Variants in KLHDC4 observed in about 807,000 individuals in gnomAD.
KLHDC4 encodes kelch domain-containing protein 4.
A neutral mutation model predicts 62.4 loss-of-function variants in KLHDC4; 90 were observed. The ratio of observed to expected loss-of-function variants is 1.44; its 90% CI spans 1.22 to 1.72. The LOEUF is 1.72. Among genes scored for constraint, KLHDC4 ranks in the 40% most tolerant of loss-of-function variants. KLHDC4 has a pLI of 0.00. For missense variants in KLHDC4, 1,025 were observed against 699.7 expected (o/e 1.47, Z -5.25); for synonymous variants, 386 against 284.4 (o/e 1.36, Z -3.59).
intron 3 of KLHDC4, 93 bp from the exon 4 acceptor site, chr16:87,755,385 C>A: frequency 1.4e-6 from 1 of 707,050 alleles, no homozygotes. Context: ...CCCTGGGAAA[C>A]TGACATGCTA....
downstream of KLHDC4, among the ~76,000 whole-genome samples, chr16:87,702,863 G>A (rs931253930): frequency 1.1e-4 from 16 of 152,232 alleles, no homozygotes; most frequent in African/African-American, 3.6e-4. Flanking sequence ...TCTTATTGAT[G>A]AAGTGGTTTA....
rs1408317763 is a variant in KLHDC4 at position 87,709,291 on chromosome 16, C to T, written c.1421G>A (p.Trp474Ter). The change falls in exon 10 of 12, where the codon TGG becomes TAG. Residue 474 changes from tryptophan (W) to a stop codon, truncating the protein, a stop_gained. Transcript: ENST00000270583. LOFTEE classifies it high-confidence loss of function. ...HCLDLHRMEA[W>*]KALVEMDPET... ...TGGGTCCATCTCCACCAAGGCCTTCCACGCCTCCATCCTGTGCAGGTCCAG... is the reference window on the plus strand; with the variant it reads ...TGGGTCCATCTCCACCAAGGCCTTCTACGCCTCCATCCTGTGCAGGTCCAG... 3 of 1,612,388 alleles carry T rather than the reference C, an allele frequency of 1.9e-6. No individual in the cohort carries two copies. Among genetic ancestry groups the T allele is most frequent in the Non-Finnish European group, 8.5e-7 (1 of 1,179,620 alleles).
chr16:87,755,710 G>A (rs34033325), intron 3 of KLHDC4: 12,661 of 178,132 alleles, frequency 0.071, 651 homozygotes, highest in Non-Finnish European at 0.099. Context: ...GACTACAGGC[G>A]CCCGCCACCA....
chr16:87,736,154 C>T (rs879806931), intron 5 of KLHDC4, among the ~76,000 whole-genome samples: 22 of 152,212 alleles, frequency 1.4e-4, no homozygotes, highest in Non-Finnish European at 3.1e-4. Context: ...CTGGAAGGCA[C>T]AGCCTGCCAC....
intron 7 of KLHDC4, among the ~76,000 whole-genome samples, chr16:87,719,741 A>C (rs1282824605): frequency 6.6e-6 from 1 of 152,140 alleles, no homozygotes. Context: ...ATTTTTGGAG[A>C]AGTTAGACTT....
At chr16:87,751,632 T>C (rs2043958004) in intron 4 of KLHDC4, among the ~76,000 whole-genome samples, 1 of 152,150 alleles carries the variant, frequency 6.6e-6, no homozygotes, top group South Asian at 2.1e-4. Context: ...CCTAAAGCCA[T>C]TCCTGGCCAG....
chr16:87,718,809 G>C (rs1333126613), intron 7 of KLHDC4, among the ~76,000 whole-genome samples: 2 of 151,664 alleles, frequency 1.3e-5, no homozygotes, highest in African/African-American at 4.9e-5. Context: ...CCCATCGTCT[G>C]AGATGTGGGG....
At chr16:87,738,409 G>C (rs146294614) in intron 5 of KLHDC4, among the ~76,000 whole-genome samples, 2 of 151,938 alleles carry the variant, frequency 1.3e-5, no homozygotes, top group Admixed American at 6.6e-5. Flanking sequence ...AAACAGTACC[G>C]ATCATCTCCC....
chr16:87,725,018 G>A (rs1036667552), intron 7 of KLHDC4, among the ~76,000 whole-genome samples: 5 of 152,214 alleles, frequency 3.3e-5, no homozygotes, highest in African/African-American at 4.8e-5. Flanking sequence ...ACTTCAGCAC[G>A]AAGCAGCAAT....
intron 6 of KLHDC4, 30 bp from the exon 7 acceptor site, chr16:87,726,954 C>T: frequency 6.2e-7 from 1 of 1,610,276 alleles, no homozygotes; most frequent in Non-Finnish European, 8.5e-7. Flanking sequence ...CTGTCAGGGT[C>T]CGTAACATTG....
In KLHDC4 at chr16:87,708,386, C is replaced by G; in HGVS notation, c.1528G>C (p.Glu510Gln). 1 of 1,610,854 alleles carries G rather than the reference C, an allele frequency of 6.2e-7. No homozygotes were observed. The highest frequency in any genetic ancestry group is 2.2e-5 in the East Asian group (1 of 44,848). Reference sequence around the variant, plus strand: ...GCACCGCTCTCCTCTCCGCTGTCTTCGTCGTCGACCCCACCCTCGGCGCCC... The same window carrying G: ...GCACCGCTCTCCTCTCCGCTGTCTTGGTCGTCGACCCCACCCTCGGCGCCC... ...VEGAEGGVDD[E>Q]DSGEESGAED The change falls in exon 11 of 12, where the codon GAA (glutamate) becomes CAA (glutamine). Residue 510 changes from glutamate (E) to glutamine (Q), a missense_variant. Coordinates refer to ENST00000270583, the MANE Select transcript of KLHDC4 (RefSeq NM_017566.4).
chr16:87,758,970 G>C (rs1181923830), intron 2 of KLHDC4, among the ~76,000 whole-genome samples: 1 of 152,144 alleles, frequency 6.6e-6, no homozygotes, highest in Non-Finnish European at 1.5e-5. Context: ...GAGGTGGGGA[G>C]TTCGAGACCA....
At chr16:87,749,809 T>C (rs144451869) in intron 4 of KLHDC4, among the ~76,000 whole-genome samples, 4 of 152,234 alleles carry the variant, frequency 2.6e-5, no homozygotes, top group African/African-American at 9.6e-5. Context: ...CTCCTGGCTT[T>C]AGTCAATTCT....
chr16:87,711,215 C>G lies in KLHDC4; in HGVS notation c.1044+20G>C, dbSNP rs1475615016. The G allele has an allele frequency of 1.2e-6, 2 of 1,613,032 alleles. 1 individual carries two copies. Among genetic ancestry groups the G allele is most frequent in the Middle Eastern group, 3.3e-4 (2 of 6,056 alleles). On this transcript the variant is annotated intron_variant, in intron 9 of 11. Transcript: ENST00000270583. Reference sequence around the variant, plus strand: ...TTAGGGCTGCGCACCACGGCGCATGCTACTCAGAGGTTGCACTACCTTCAG... The same window carrying G: ...TTAGGGCTGCGCACCACGGCGCATGGTACTCAGAGGTTGCACTACCTTCAG...
intron 9 of KLHDC4, 27 bp from the exon 10 acceptor site, chr16:87,709,694 G>A (rs777442618): frequency 1.3e-6 from 2 of 1,548,330 alleles, no homozygotes; most frequent in Non-Finnish European, 1.7e-6. Context: ...GAAGCAGAGA[G>A]CAGCAGCTTC....
intron 5 of KLHDC4, among the ~76,000 whole-genome samples, chr16:87,736,250 A>T (rs955744342): frequency 1.3e-5 from 2 of 152,332 alleles, no homozygotes; most frequent in South Asian, 2.1e-4. Context: ...AAGCCACTGT[A>T]ACACAATGGC....
chr16:87,748,002 A>G (rs558956649), intron 5 of KLHDC4, among the ~76,000 whole-genome samples: 41 of 152,350 alleles, frequency 2.7e-4, no homozygotes, highest in African/African-American at 9.6e-4. Context: ...CAGGCCACAC[A>G]TAGAAGGACA....
downstream of KLHDC4, among the ~76,000 whole-genome samples, chr16:87,705,961 C>T (rs2034623149): frequency 6.6e-6 from 1 of 152,214 alleles, no homozygotes; most frequent in South Asian, 2.1e-4. Flanking sequence ...ACACAAGCTG[C>T]AGCCCTGTGC....
At chr16:87,765,235 T>C (rs1394955830) in intron 1 of KLHDC4, 1 of 456,088 alleles carries the variant, frequency 2.2e-6, no homozygotes, top group East Asian at 7.0e-5. Context: ...GAGACAACCG[T>C]GATGGCCGCC....
Sources: allele counts gnomAD v4.1 joint callset (sites outside exome capture counted in the v4.1 genomes callset), GRCh38; gene constraint gnomAD v4.1.1; transcripts MANE v1.5; gene names NCBI Gene and HGNC (gene_info 2026-07-23, HGNC 2026-07-21).